The following C12orf42 variants were observed in gnomAD, a reference collection of about 807,000 sequenced individuals.
C12orf42 encodes chromosome 12 open reading frame 42, also known as uncharacterized protein C12orf42.
A neutral mutation model predicts 21.6 loss-of-function variants in C12orf42; 25 were observed. The observed-to-expected ratio is 1.16, with a 90% CI of 0.84 to 1.62. The LOEUF (loss-of-function observed/expected upper bound fraction) is 1.62, where lower values mean the gene tolerates loss of function less well. Ranked by LOEUF, C12orf42 falls within the 40% of genes most tolerant of loss-of-function variation. C12orf42 has a pLI of 0.00. For missense variants in C12orf42, 483 were observed against 459.3 expected (o/e 1.05, Z -0.47); for synonymous variants, 174 against 175.0 (o/e 0.99, Z 0.05).
chr12:103,492,114 G>A lies in C12orf42; in HGVS notation c.-22+3788C>T, dbSNP rs537795310. Among the ~76,000 whole-genome samples, 25 of 152,170 alleles carry A rather than the reference G, an allele frequency of 1.6e-4. 1 individual carries two copies. Among genetic ancestry groups the A allele is most frequent in the African/African-American group, 4.6e-4 (19 of 41,524 alleles). ...CGGGATTACAGGCGTGCGCAACTAC[G>A]CCCAGCTAATTTTTATACTTTTTAG... On this transcript the variant is annotated intron_variant, in intron 1 of 5. Coordinates refer to ENST00000548883, the MANE Select transcript of C12orf42 (RefSeq NM_198521.5).
At chr12:103,219,908 T>G in the C12orf42 span, among the ~76,000 whole-genome samples, 3,200 of 152,312 alleles carry the variant, frequency 0.021, 163 homozygotes, top group East Asian at 0.17. Flanking sequence ...ATCCCATTAC[T>G]GGGTATATAC....
chr12:103,287,863 A>G (rs1213850977), intron 4 of C12orf42, among the ~76,000 whole-genome samples: 3 of 152,092 alleles, frequency 2.0e-5, no homozygotes, highest in Admixed American at 2.0e-4. Flanking sequence ...CTGGAGTGAA[A>G]GTTTTGTTAC....
intron 4 of C12orf42, among the ~76,000 whole-genome samples, chr12:103,350,631 G>A (rs1044057707): frequency 1.3e-5 from 2 of 152,066 alleles, no homozygotes; most frequent in Admixed American, 1.3e-4. Flanking sequence ...TCGTCCACTG[G>A]GAGGATCTTG....
At chr12:103,289,875 T>C (rs2036686832) in intron 4 of C12orf42, among the ~76,000 whole-genome samples, 1 of 152,224 alleles carries the variant, frequency 6.6e-6, no homozygotes, top group African/African-American at 2.4e-5. Flanking sequence ...ATTTCTGCTT[T>C]TTCTTAATGC....
the C12orf42 span, among the ~76,000 whole-genome samples, chr12:103,200,380 A>G: frequency 6.6e-6 from 1 of 152,224 alleles, no homozygotes; most frequent in African/African-American, 2.4e-5. Flanking sequence ...TCAGTTATAC[A>G]ACTTAATCAA....
At chr12:103,559,214 A>T in the C12orf42 span, 1 of 150,672 alleles carries the variant, frequency 6.6e-6, no homozygotes, top group Admixed American at 6.7e-5. Flanking sequence ...TCAATCCTGC[A>T]GGTACTACAT....
chr12:103,158,304 C>T, the C12orf42 span, among the ~76,000 whole-genome samples: 5 of 152,258 alleles, frequency 3.3e-5, no homozygotes, highest in African/African-American at 1.2e-4. Context: ...TCTGGCACCA[C>T]ATCACATTGC....
At chr12:103,421,232 G>A (rs2049874033) in intron 2 of C12orf42, among the ~76,000 whole-genome samples, 1 of 152,016 alleles carries the variant, frequency 6.6e-6, no homozygotes, top group Non-Finnish European at 1.5e-5. Flanking sequence ...GTAGAAGAGA[G>A]GAAAGGAGGC....
intron 4 of C12orf42, among the ~76,000 whole-genome samples, chr12:103,281,533 T>C (rs2036118376): frequency 6.6e-6 from 1 of 152,108 alleles, no homozygotes; most frequent in Non-Finnish European, 1.5e-5. Context: ...ATTTTTTGTA[T>C]TTTTAGTAGA....
At chr12:103,449,138 C>T (rs933247013) in intron 2 of C12orf42, among the ~76,000 whole-genome samples, 3 of 145,446 alleles carry the variant, frequency 2.1e-5, no homozygotes, top group Admixed American at 6.8e-5. Flanking sequence ...TAGACAGACA[C>T]CATGGAATAC....
At position 103,478,380 on chromosome 12, in the gene C12orf42, A is replaced by G. The variant is rs752000408; in HGVS notation, c.47T>C (p.Leu16Pro). The change falls in exon 2 of 6, where the codon CTA (leucine) becomes CCA (proline). Residue 16 changes from leucine to proline, a missense_variant. By Grantham distance (98) the Leu-to-Pro change is moderately conservative. Transcript: ENST00000548883. ...CMKQREEEFL[L>P]TIRPFANRMQ... ...CCTGTTTGCAAAAGGTCTGATGGTT[A>G]GCAAGAATTCTTCTTCCCTTTGTTT... is the stretch of plus-strand genomic sequence containing the variant. The G allele has an allele frequency of 3.1e-6, 5 of 1,605,186 alleles. No homozygotes were observed. Among genetic ancestry groups the G allele is most frequent in the Non-Finnish European group, 4.3e-6 (5 of 1,174,522 alleles).
intron 4 of C12orf42, among the ~76,000 whole-genome samples, chr12:103,343,811 A>T (rs975211667): frequency 1.6e-4 from 24 of 151,832 alleles, no homozygotes; most frequent in African/African-American, 5.8e-4. Flanking sequence ...AAAAGAAAAC[A>T]TTTCCTGACA....
intron 3 of C12orf42, among the ~76,000 whole-genome samples, chr12:103,387,955 T>C (rs1274054920): frequency 6.6e-6 from 1 of 152,242 alleles, no homozygotes; most frequent in African/African-American, 2.4e-5. Context: ...CCAACTCAAC[T>C]TGCAGTAAAC....
chr12:103,223,190 A>G, the C12orf42 span, among the ~76,000 whole-genome samples: 4 of 151,932 alleles, frequency 2.6e-5, no homozygotes, highest in African/African-American at 9.7e-5. Context: ...GGTGGCGAAA[A>G]TTTTTGGGGG....
the C12orf42 span, among the ~76,000 whole-genome samples, chr12:103,537,310 G>C: frequency 6.6e-6 from 1 of 150,520 alleles, no homozygotes; most frequent in Non-Finnish European, 1.5e-5. Context: ...AAATCAGATA[G>C]TTTGCGTTCT....
chr12:103,064,014 TG>T, the C12orf42 span, among the ~76,000 whole-genome samples: 1 of 152,194 alleles, frequency 6.6e-6, no homozygotes, highest in Non-Finnish European at 1.5e-5. Context: ...TGTGGCCCAC[TG>T]TGAGCCAGCT....
chr12:103,294,768 T>C (rs529004741), intron 4 of C12orf42, among the ~76,000 whole-genome samples: 1 of 152,280 alleles, frequency 6.6e-6, no homozygotes, highest in Admixed American at 6.5e-5. Flanking sequence ...TCTGCAGCAT[T>C]TTTCTTAAGT....
the C12orf42 span, among the ~76,000 whole-genome samples, chr12:103,160,134 G>A: frequency 2.6e-5 from 4 of 152,016 alleles, no homozygotes; most frequent in Admixed American, 6.6e-5. Context: ...CTAATTCTGT[G>A]AGAAAAAAAG....
intron 2 of C12orf42, among the ~76,000 whole-genome samples, chr12:103,473,213 A>G (rs1310654064): frequency 6.6e-6 from 1 of 152,242 alleles, no homozygotes; most frequent in Non-Finnish European, 1.5e-5. Context: ...CATCTGTAAA[A>G]TGGAAATAAT....
Sources: allele counts gnomAD v4.1 joint callset (sites outside exome capture counted in the v4.1 genomes callset), GRCh38; gene constraint gnomAD v4.1.1; transcripts MANE v1.5; gene names NCBI Gene and HGNC (gene_info 2026-07-23, HGNC 2026-07-21).